Variants in FGF13 observed in about 807,000 individuals in gnomAD.
The protein encoded by FGF13 is fibroblast growth factor 13.
A neutral mutation model predicts 19.5 loss-of-function variants in FGF13; 2 were observed. The observed-to-expected ratio is 0.10, with a 90% CI of 0.04 to 0.32. FGF13 has a LOEUF of 0.32. Among genes scored for constraint, FGF13 ranks in the 10% least tolerant of loss-of-function variants. The pLI, the probability that FGF13 is intolerant of heterozygous loss-of-function variation, is 1.00. For synonymous variants in FGF13, 72 were observed against 76.9 expected (o/e 0.94, Z 0.33); for missense variants, 113 against 192.7 (o/e 0.59, Z 2.45).
chrX:138,678,027 T>C (rs2089689870), intron 3 of FGF13, among the ~76,000 whole-genome samples: 2 of 112,053 alleles, frequency 1.8e-5, no homozygotes, highest in South Asian at 3.8e-4. Context: ...ATGTCCTTTG[T>C]AGGGACATGG....
At chrX:139,139,076 G>A (rs183089488) in intron 1 of FGF13, among the ~76,000 whole-genome samples, 1 of 109,778 alleles carries the variant, frequency 9.1e-6, no homozygotes, top group East Asian at 2.9e-4. Context: ...GATTGCAGGT[G>A]GGCACCACCA....
At chrX:139,046,577 G>A (rs2092288329) in intron 1 of FGF13, among the ~76,000 whole-genome samples, 1 of 111,214 alleles carries the variant, frequency 9.0e-6, no homozygotes, top group African/African-American at 3.3e-5. Context: ...ACTTGAGAGA[G>A]TTGGGGGATG....
intron 1 of FGF13, among the ~76,000 whole-genome samples, chrX:138,925,317 A>G (rs1248308932): frequency 2.7e-5 from 3 of 111,343 alleles, no homozygotes; most frequent in Non-Finnish European, 5.7e-5. Context: ...ACTGTCTGAC[A>G]CTTTCTGCCT....
intron 1 of FGF13, among the ~76,000 whole-genome samples, chrX:139,177,003 A>G (rs2084192020): frequency 9.0e-6 from 1 of 111,309 alleles, no homozygotes; most frequent in Non-Finnish European, 1.9e-5. Context: ...TAATATTGAC[A>G]GTGAGGTGTT....
chrX:138,692,909 AT>A (rs200126770), intron 3 of FGF13, among the ~76,000 whole-genome samples: 17 of 110,628 alleles, frequency 1.5e-4, no homozygotes, highest in African/African-American at 5.2e-4. Flanking sequence ...TCTAATTTGG[AT>A]TTTTTTTGTC....
At chrX:138,892,035 T>TGTGTGTG (rs2091480944) in intron 1 of FGF13, among the ~76,000 whole-genome samples, 1 of 109,458 alleles carries the variant, frequency 9.1e-6, no homozygotes, top group African/African-American at 3.4e-5. Flanking sequence ...TGTGTGTGTA[T>TGTGTGTG]TATCTCCTAC....
At chrX:139,054,228 T>A (rs2092312925) in intron 1 of FGF13, among the ~76,000 whole-genome samples, 2 of 103,583 alleles carry the variant, frequency 1.9e-5, no homozygotes, top group Admixed American at 1.1e-4. Flanking sequence ...GTTCACGCCA[T>A]TCTCCTGCCT....
intron 1 of FGF13, among the ~76,000 whole-genome samples, chrX:138,892,522 G>A (rs754290652): frequency 2.1e-4 from 23 of 111,621 alleles, no homozygotes; most frequent in Middle Eastern, 4.7e-3. Context: ...GTCAATGAAG[G>A]TTTTTTGCAG....
chrX:139,096,329 C>T (rs1174357035), intron 1 of FGF13, among the ~76,000 whole-genome samples: 1 of 111,468 alleles, frequency 9.0e-6, no homozygotes, highest in Non-Finnish European at 1.9e-5. Context: ...GTAGAATTTG[C>T]GATGAGCCTT....
chrX:138,794,491 A>G (rs1467392640), intron 3 of FGF13, among the ~76,000 whole-genome samples: 3 of 111,607 alleles, frequency 2.7e-5, no homozygotes, highest in Admixed American at 9.5e-5. Flanking sequence ...ACATTGCGAC[A>G]TCATATGATT....
chrX:139,192,434 C>T (rs762395936), intron 1 of FGF13, among the ~76,000 whole-genome samples: 2 of 112,052 alleles, frequency 1.8e-5, no homozygotes, highest in African/African-American at 3.2e-5. Flanking sequence ...GTCAGATTAC[C>T]ATCTCTTTTC....
intron 1 of FGF13, among the ~76,000 whole-genome samples, chrX:139,158,735 AG>A (rs1452414898): frequency 9.0e-6 from 1 of 111,516 alleles, no homozygotes. Flanking sequence ...CAGAGATTGA[AG>A]ATCAACTTAA....
At chrX:138,867,763 A>C (rs1214758306) in intron 1 of FGF13, among the ~76,000 whole-genome samples, 1 of 108,604 alleles carries the variant, frequency 9.2e-6, no homozygotes, top group Admixed American at 9.9e-5. Context: ...AACACAGCCA[A>C]ACCGTATCAC....
At chrX:138,746,843 A>G (rs764378273) in intron 3 of FGF13, among the ~76,000 whole-genome samples, 1 of 112,505 alleles carries the variant, frequency 8.9e-6, no homozygotes, top group Admixed American at 9.4e-5. Flanking sequence ...CCTTCTTATT[A>G]TTCTTCCTTG....
intron 1 of FGF13, among the ~76,000 whole-genome samples, chrX:139,094,016 G>A (rs2083454933): frequency 1.8e-5 from 2 of 111,972 alleles, no homozygotes; most frequent in African/African-American, 6.5e-5. Flanking sequence ...GAGGACGCCA[G>A]GGATAGCACC....
intron 1 of FGF13, among the ~76,000 whole-genome samples, chrX:139,106,146 CTAAAA>C (rs766756115): frequency 6.9e-4 from 77 of 112,054 alleles, no homozygotes; most frequent in Non-Finnish European, 1.2e-3. Flanking sequence ...AGTAGCCATC[CTAAAA>C]TGAGTCCCTC....
intron 1 of FGF13, among the ~76,000 whole-genome samples, chrX:138,881,353 A>G (rs2091423257): frequency 9.0e-6 from 1 of 111,722 alleles, no homozygotes; most frequent in African/African-American, 3.2e-5. Flanking sequence ...TGTACATAGT[A>G]TTATGTCACA....
At chrX:139,148,598 T>C (rs1292788835) in intron 1 of FGF13, among the ~76,000 whole-genome samples, 2 of 100,271 alleles carry the variant, frequency 2.0e-5, no homozygotes, top group Non-Finnish European at 4.0e-5. Context: ...GTAGCAGCCA[T>C]TGGTTTAAAA....
At position 138,800,583 on chromosome X, in the gene FGF13, T is replaced by C. The variant is rs1345699113; in HGVS notation, c.217+56929A>G. ...TTGCTCTTCTCGAGGAGTATCTTTG[T>C]GGTGTTCTCTGTATTTCCTGAATTT... On this transcript the variant is annotated intron_variant, in intron 3 of 6. Coordinates refer to the FGF13 transcript ENST00000436198. 2.7e-5 allele frequency among the ~76,000 whole-genome samples: 3 copies of C among 111,625 alleles called. 1 individual carries two copies. The highest frequency in any genetic ancestry group is 5.6e-5 in the Non-Finnish European group (3 of 53,175).
Sources: gnomAD v4.1 joint callset for allele counts (sites outside exome capture counted in the v4.1 genomes callset) on GRCh38, gnomAD v4.1.1 for gene constraint, MANE v1.5 for transcripts, NCBI Gene and HGNC (gene_info 2026-07-23, HGNC 2026-07-21) for gene names.